The following CHRNA1 variants were observed in gnomAD, a reference collection of about 807,000 sequenced individuals.
CHRNA1 encodes cholinergic receptor nicotinic alpha 1 subunit, also known as acetylcholine receptor subunit alpha.
CHRNA1 carries 35 observed loss-of-function variants against 47.1 expected under a neutral mutation model. The observed-to-expected ratio is 0.74, with a 90% CI of 0.57 to 0.99. CHRNA1 has a LOEUF of 0.99. Among genes scored for constraint, CHRNA1 ranks in the 50% least tolerant of loss-of-function variants. The pLI is 0.00. For synonymous variants in CHRNA1, 229 were observed against 223.6 expected, an observed-to-expected ratio of 1.02 and a Z score of -0.22; for missense variants, 506 against 591.1, an observed-to-expected ratio of 0.86 and a Z score of 1.49.
At chr2:174,763,328 G>GTGCA (rs1684131531) in intron 1 of CHRNA1, among the ~76,000 whole-genome samples, 1 of 121,352 alleles carries the variant, frequency 8.2e-6, no homozygotes, top group African/African-American at 3.0e-5. Flanking sequence ...GTGCACGCGC[G>GTGCA]CGCACACACA....
At chr2:174,748,914 C>A in intron 7 of CHRNA1, 95 bp from the exon 8 acceptor site, 1 of 1,535,872 alleles carries the variant, frequency 6.5e-7, no homozygotes, top group Non-Finnish European at 8.8e-7. Flanking sequence ...TGGGGTAAGT[C>A]ATTCAGTTTT....
In CHRNA1 at chr2:174,757,596, A is replaced by G. The variant is rs764809207; in HGVS notation, c.314T>C (p.Ile105Thr). Residue 105 changes from isoleucine to threonine, a missense_variant, in exon 4 of 9, where the codon ATC becomes ACC. Coordinates refer to ENST00000348749, the MANE Select transcript of CHRNA1 (RefSeq NM_000079.4). ...ATAGAGAACAAGGTCTGGGCGCCAGATCTTTTCTGAAGGAATGTGAATTTT... is the reference window on the plus strand; with the variant it reads ...ATAGAGAACAAGGTCTGGGCGCCAGGTCTTTTCTGAAGGAATGTGAATTTT... ...VKKIHIPSEK[I>T]WRPDLVLYNN... 6.8e-5 allele frequency: 109 copies of G among 1,614,050 alleles called. No homozygotes were observed. Among genetic ancestry groups the G allele is most frequent in the Non-Finnish European group, 8.9e-5 (105 of 1,180,010 alleles).
intron 3 of CHRNA1, among the ~76,000 whole-genome samples, chr2:174,758,266 G>A (rs540510525): frequency 1.3e-3 from 192 of 152,004 alleles, no homozygotes; most frequent in African/African-American, 4.3e-3. Context: ...AAAATTAGCC[G>A]GGCGTGGTGG....
At chr2:174,754,068 A>G (rs139254734) in intron 5 of CHRNA1, 151 bp downstream of exon 5, 23 of 769,450 alleles carry the variant, frequency 3.0e-5, no homozygotes, top group Admixed American at 6.5e-5. Flanking sequence ...GCTCCCATTT[A>G]GTTCTCCCTT....
intron 4 of CHRNA1, among the ~76,000 whole-genome samples, chr2:174,756,856 G>A (rs1405279205): frequency 3.3e-5 from 5 of 152,084 alleles, no homozygotes; most frequent in East Asian, 3.9e-4. Flanking sequence ...AAATCCTCCC[G>A]GCCGGTGTTG....
rs183532436 is a variant in CHRNA1 at position 174,754,108 on chromosome 2, G to A, written c.540+111C>T. On this transcript the variant is annotated intron_variant, in intron 5 of 8. Transcript: ENST00000348749. ...ATCAACTTGAACCATCAAACTAGAT[G>A]ATTCCTAAGTTCTAACTGGTACTGA... 2.7e-5 allele frequency: 27 copies of A among 1,010,772 alleles called. No homozygotes were observed. The East Asian group carries it at 6.4e-4, about 24-fold the overall frequency. 62.6% of individuals were successfully genotyped at this position (1,010,772 alleles called of 1,614,324 possible).
intron 3 of CHRNA1, among the ~76,000 whole-genome samples, chr2:174,758,985 G>A (rs1207064569): frequency 6.6e-6 from 1 of 152,100 alleles, no homozygotes; most frequent in African/African-American, 2.4e-5. Flanking sequence ...ACAAGCTGAA[G>A]AGAGAGTCCT....
In CHRNA1 at chr2:174,748,653, G is replaced by A; in HGVS notation, c.1169C>T (p.Pro390Leu). 2 of 1,614,190 alleles carry A rather than the reference G, an allele frequency of 1.2e-6. No homozygotes were observed. The highest frequency in any genetic ancestry group is 1.7e-6 in the Non-Finnish European group (2 of 1,180,038). The stretch of plus-strand genomic sequence containing the variant: ...GCCCTCGATGGCACTTTTCACCTCG[G>A]GGTGTTTGATCAGGGGAGAGTGGAA... ...MGFHSPLIKHPEVKSAIEGIK... is the reference protein window; with the variant it reads ...MGFHSPLIKHLEVKSAIEGIK... The change falls in exon 8 of 9, where the codon CCC (proline) becomes CTC (leucine). Residue 390 changes from proline to leucine, a missense_variant. Coordinates refer to ENST00000348749, the MANE Select transcript of CHRNA1 (RefSeq NM_000079.4).
At chr2:174,759,673 C>A (rs778284099) in intron 1 of CHRNA1, 40 bp from the exon 2 acceptor site, 1 of 1,608,488 alleles carries the variant, frequency 6.2e-7, no homozygotes, top group Non-Finnish European at 8.5e-7. Flanking sequence ...AGATTCTTCT[C>A]CCCACCCTCC....
At chr2:174,750,400 C>A (rs1231567443) in intron 6 of CHRNA1, among the ~76,000 whole-genome samples, 1 of 152,018 alleles carries the variant, frequency 6.6e-6, no homozygotes, top group African/African-American at 2.4e-5. Flanking sequence ...GGAATTAGGA[C>A]ACAGATGCAT....
Position 174,747,705 on chromosome 2 carries a change from A to T in CHRNA1, c.*419T>A, listed in dbSNP as rs1048134267. ...GATGGGGTTTTCTTAGTAGGTACAA[A>T]ACTGACTCTTAAGCAAAGAATACAC... On this transcript the variant is annotated 3_prime_UTR_variant, in exon 9 of 9. Transcript: ENST00000348749. 6 of 252,654 alleles carry T rather than the reference A, an allele frequency of 2.4e-5. No individual in the cohort carries two copies. Among genetic ancestry groups the T allele is most frequent in the Non-Finnish European group, 3.9e-5 (5 of 127,780 alleles). 15.7% of individuals were successfully genotyped at this position (252,654 alleles called of 1,614,324 possible).
In CHRNA1 at chr2:174,748,038, G is replaced by A; in HGVS notation, c.*86C>T. 9.8e-6 allele frequency: 15 copies of A among 1,533,308 alleles called. No individual in the cohort carries two copies. The highest frequency in any genetic ancestry group is 5.1e-5 in the Admixed American group (3 of 59,388). The allele number at this position is 1,533,308 out of a possible 1,614,324, so 95.0% of individuals were successfully genotyped here. A position where few individuals can be genotyped will look rare whatever the true frequency, so the allele number is the denominator to read the frequency against. On this transcript the variant is annotated 3_prime_UTR_variant, in exon 9 of 9. Coordinates refer to ENST00000348749, the MANE Select transcript of CHRNA1 (RefSeq NM_000079.4). ...AATATAACACGTTTGATAAGTGCGAGTGGAGCAAGTAGACAAATCTTCCTC... is the reference window on the plus strand; with the variant it reads ...AATATAACACGTTTGATAAGTGCGAATGGAGCAAGTAGACAAATCTTCCTC...
At chr2:174,757,437 T>C in intron 4 of CHRNA1, 129 bp downstream of exon 4, 1 of 680,122 alleles carries the variant, frequency 1.5e-6, no homozygotes. Flanking sequence ...TTTACAGGTG[T>C]GAGCCACCAT....
At chr2:174,754,497 C>T (rs1683933682) in intron 4 of CHRNA1, 83 bp from the exon 5 acceptor site, 3 of 1,210,184 alleles carry the variant, frequency 2.5e-6, no homozygotes, top group East Asian at 2.3e-5. Context: ...CAGGAGACAG[C>T]TGTTAATTAT....
rs376844505 is a variant in CHRNA1, at chr2:174,757,590, C to T, written c.320G>A (p.Arg107His). Residue 107 changes from arginine to histidine, a missense_variant, in exon 4 of 9, where the codon CGC becomes CAC. Coordinates refer to ENST00000348749, the MANE Select transcript of CHRNA1 (RefSeq NM_000079.4). ...CTTGTTATAGAGAACAAGGTCTGGGCGCCAGATCTTTTCTGAAGGAATGTG... is the reference window on the plus strand; with the variant it reads ...CTTGTTATAGAGAACAAGGTCTGGGTGCCAGATCTTTTCTGAAGGAATGTG... ...KIHIPSEKIW[R>H]PDLVLYNNAD... 148 of 1,613,838 alleles carry T rather than the reference C, an allele frequency of 9.2e-5. No individual in the cohort carries two copies. The highest frequency in any genetic ancestry group is 1.6e-4 in the Middle Eastern group (1 of 6,084).
In CHRNA1 at chr2:174,747,659, C is replaced by T. The variant is rs761396980; in HGVS notation, c.*465G>A. The stretch of plus-strand genomic sequence containing the variant: ...CTTCCTCTCTCTCCAAATCAAATGC[C>T]TTATCTCTTTAGGACTGGTAGATGG... On this transcript the variant is annotated 3_prime_UTR_variant, in exon 9 of 9. Transcript: ENST00000348749. 1.2e-5 allele frequency: 2 copies of T among 173,216 alleles called. No individual in the cohort carries two copies. Among genetic ancestry groups the T allele is most frequent in the Non-Finnish European group, 2.5e-5 (2 of 79,932 alleles). 10.7% of individuals were successfully genotyped at this position (173,216 alleles called of 1,614,324 possible). A position where few individuals can be genotyped will look rare whatever the true frequency, so the allele number is the denominator to read the frequency against.
chr2:174,751,223 G>A (rs1441492445), intron 6 of CHRNA1, among the ~76,000 whole-genome samples: 1 of 152,152 alleles, frequency 6.6e-6, no homozygotes, highest in Admixed American at 6.5e-5. Context: ...TCTCAGGAGA[G>A]TTTTGGCTGG....
chr2:174,763,235 A>T (rs1277368920), intron 1 of CHRNA1, among the ~76,000 whole-genome samples: 1 of 152,144 alleles, frequency 6.6e-6, no homozygotes, highest in African/African-American at 2.4e-5. Context: ...CCAAAATCCT[A>T]AGAGATCTCT....
At chr2:174,759,449 T>A in intron 2 of CHRNA1, 39 bp downstream of exon 2, 1 of 1,613,566 alleles carries the variant, frequency 6.2e-7, no homozygotes, top group Non-Finnish European at 8.5e-7. Context: ...GGGTGAGAGG[T>A]GTGGGTGTGT....
Sources: allele counts gnomAD v4.1 joint callset (sites outside exome capture counted in the v4.1 genomes callset), GRCh38; gene constraint gnomAD v4.1.1; transcripts MANE v1.5; gene names NCBI Gene and HGNC (gene_info 2026-07-23, HGNC 2026-07-21).